The following SPMIP11 variants were observed in gnomAD, a reference collection of about 807,000 sequenced individuals.
The protein encoded by SPMIP11 is long intergenic non-protein coding RNA 935.
the SPMIP11 span, among the ~76,000 whole-genome samples, chr12:48,757,700 G>GTA: frequency 6.8e-6 from 1 of 147,908 alleles, no homozygotes; most frequent in African/African-American, 2.5e-5. Context: ...ATATATATAT[G>GTA]TATATATATG....
the SPMIP11 span, among the ~76,000 whole-genome samples, chr12:48,749,039 A>G: frequency 6.6e-6 from 1 of 152,088 alleles, no homozygotes; most frequent in Non-Finnish European, 1.5e-5. Flanking sequence ...AGGCGGGTGG[A>G]TCACTTGAGG....
At chr12:48,768,723 G>C in the SPMIP11 span, 1 of 1,613,502 alleles carries the variant, frequency 6.2e-7, no homozygotes, top group Non-Finnish European at 8.5e-7. Context: ...TCACCTGGGG[G>C]AGTGGGAGGG....
chr12:48,728,048 CAAA>C, the SPMIP11 span, among the ~76,000 whole-genome samples: 19 of 143,842 alleles, frequency 1.3e-4, no homozygotes, highest in East Asian at 3.8e-3. Context: ...GAAACCATCT[CAAA>C]AAAAAAAAAA....
chr12:48,762,646 G>A, the SPMIP11 span, among the ~76,000 whole-genome samples: 1 of 152,006 alleles, frequency 6.6e-6, no homozygotes, highest in African/African-American at 2.4e-5. Flanking sequence ...GGAATTACGG[G>A]CGTGAGCCAC....
chr12:48,752,977 A>G, the SPMIP11 span, among the ~76,000 whole-genome samples: 1 of 151,918 alleles, frequency 6.6e-6, no homozygotes, highest in Non-Finnish European at 1.5e-5. Flanking sequence ...AGGCCATCCT[A>G]TTTATTCTTA....
chr12:48,730,421 AT>A, the SPMIP11 span, among the ~76,000 whole-genome samples: 346 of 152,192 alleles, frequency 2.3e-3, 1 homozygote, highest in African/African-American at 8.1e-3. Flanking sequence ...CTCCACCCCA[AT>A]TTTATACCCT....
chr12:48,768,823 C>A, the SPMIP11 span: 1 of 1,553,568 alleles, frequency 6.4e-7, no homozygotes, highest in East Asian at 2.3e-5. Flanking sequence ...CAGTCCCTGC[C>A]CCACCATACA....
the SPMIP11 span, among the ~76,000 whole-genome samples, chr12:48,760,672 G>A: frequency 1.3e-5 from 2 of 152,048 alleles, no homozygotes; most frequent in Admixed American, 1.3e-4. Context: ...GACTACAGGA[G>A]TGCACCACCA....
At chr12:48,745,736 A>T in the SPMIP11 span, among the ~76,000 whole-genome samples, 1 of 152,360 alleles carries the variant, frequency 6.6e-6, no homozygotes, top group Admixed American at 6.5e-5. Flanking sequence ...CCAGATGCCT[A>T]AAAGAAAATA....
the SPMIP11 span, among the ~76,000 whole-genome samples, chr12:48,729,752 G>C: frequency 6.6e-6 from 1 of 150,988 alleles, no homozygotes; most frequent in Admixed American, 6.6e-5. Flanking sequence ...ATCTTACACA[G>C]GCCTCCATTG....
chr12:48,763,793 C>G, the SPMIP11 span, among the ~76,000 whole-genome samples: 28 of 151,644 alleles, frequency 1.8e-4, no homozygotes, highest in Admixed American at 3.3e-4. Context: ...ATTCTCCTGC[C>G]TCATCCTACT....
At chr12:48,733,053 T>C in the SPMIP11 span, among the ~76,000 whole-genome samples, 5 of 149,076 alleles carry the variant, frequency 3.4e-5, no homozygotes, top group African/African-American at 1.2e-4. Context: ...GTATGTCTTC[T>C]CTTGATCCAC....
At chr12:48,770,725 A>G in the SPMIP11 span, 1 of 1,592,714 alleles carries the variant, frequency 6.3e-7, no homozygotes, top group Non-Finnish European at 8.6e-7. Flanking sequence ...TCACCTGGAA[A>G]AAGTCCTGGG....
the SPMIP11 span, among the ~76,000 whole-genome samples, chr12:48,749,703 T>C: frequency 6.6e-6 from 1 of 150,594 alleles, no homozygotes; most frequent in East Asian, 2.0e-4. Context: ...TTCTTTTTTT[T>C]TTTTTCCAGA....
the SPMIP11 span, among the ~76,000 whole-genome samples, chr12:48,736,413 CAAAAAAAAA>C: frequency 1.4e-5 from 1 of 71,818 alleles, no homozygotes; most frequent in Non-Finnish European, 2.7e-5. Flanking sequence ...GACTCTGTCT[CAAAAAAAAA>C]AAAAAAAAAA....
At chr12:48,764,933 A>G in the SPMIP11 span, 8 of 702,908 alleles carry the variant, frequency 1.1e-5, no homozygotes, top group Admixed American at 2.0e-5. Flanking sequence ...GAGTGCGTCC[A>G]GAGGAAACCA....
the SPMIP11 span, among the ~76,000 whole-genome samples, chr12:48,751,156 A>G: frequency 6.6e-6 from 1 of 152,162 alleles, no homozygotes; most frequent in Non-Finnish European, 1.5e-5. Flanking sequence ...TTTCCTTATT[A>G]GAGTCATAAT....
At chr12:48,769,110 C>G in the SPMIP11 span, 1 of 1,505,418 alleles carries the variant, frequency 6.6e-7, no homozygotes, top group South Asian at 1.4e-5. Context: ...CAGGGTAAAC[C>G]CAGGGAGTCA....
the SPMIP11 span, among the ~76,000 whole-genome samples, chr12:48,748,573 G>A: frequency 2.6e-5 from 4 of 150,952 alleles, no homozygotes; most frequent in Admixed American, 1.3e-4. Flanking sequence ...CTTGTTGTCC[G>A]CTTGAGTTTA....
Sources: gnomAD v4.1 joint callset for allele counts (sites outside exome capture counted in the v4.1 genomes callset) on GRCh38, gnomAD v4.1.1 for gene constraint, MANE v1.5 for transcripts, NCBI Gene and HGNC (gene_info 2026-07-23, HGNC 2026-07-21) for gene names.